AASDH: variants seen among roughly 807,000 people sequenced by gnomAD.
AASDH encodes aminoadipate-semialdehyde dehydrogenase.
AASDH carries 81 observed loss-of-function variants against 102.3 expected under a neutral mutation model. The observed-to-expected ratio is 0.79, with a 90% CI of 0.66 to 0.95. The LOEUF is 0.95. Among genes scored for constraint, AASDH ranks in the 40% least tolerant of loss-of-function variants. AASDH has a pLI of 0.00. For synonymous variants in AASDH, 398 were observed against 454.0 expected, an observed-to-expected ratio of 0.88 and a Z score of 1.57; for missense variants, 1,203 against 1,266.2, an observed-to-expected ratio of 0.95 and a Z score of 0.76.
chr4:56,382,307 T>C (rs958448446), intron 3 of AASDH, 170 bp downstream of exon 3: 3 of 620,444 alleles, frequency 4.8e-6, no homozygotes, highest in East Asian at 6.8e-5. Flanking sequence ...TCCTATAATA[T>C]ACGGAACACT....
Position 56,368,574 on chromosome 4 carries a change from A to G in AASDH, c.861+2877T>C, listed in dbSNP as rs1751305006. ...ATGAGTTCATGTCCTTTGTAGGGAC[A>G]TGGATGAAGCTGGAAACCATCATTC... is the stretch of plus-strand genomic sequence containing the variant. On this transcript the variant is annotated intron_variant, in intron 5 of 14. Transcript: ENST00000205214. Among the ~76,000 whole-genome samples, 4 of 152,016 alleles carry G rather than the reference A, an allele frequency of 2.6e-5. No homozygotes were observed. In the South Asian group the frequency reaches 8.3e-4, roughly 32 times the overall value.
rs1749236193 is a variant in AASDH, at chr4:56,353,504, T to A, written c.1476A>T (p.Ser492=). The A allele has an allele frequency of 5.6e-6, 9 of 1,613,812 alleles. No individual in the cohort carries two copies. The highest frequency in any genetic ancestry group is 7.6e-6 in the Non-Finnish European group (9 of 1,179,844). ...LILFMVSKDA[S]VKEYIFKELQ... ...GTTCTTTAAAGATGTATTCTTTTACTGAAGCATCTTTAGACACCATGAAGA... is the reference window on the plus strand; with the variant it reads ...GTTCTTTAAAGATGTATTCTTTTACAGAAGCATCTTTAGACACCATGAAGA... Residue 492 remains serine, a synonymous_variant, in exon 9 of 15, where the codon TCA becomes TCT. Coordinates refer to ENST00000205214, the MANE Select transcript of AASDH (RefSeq NM_181806.4).
In AASDH at chr4:56,342,972, A is replaced by T. The variant is rs1747884034; in HGVS notation, c.2776-6T>A. 1.9e-6 allele frequency: 3 copies of T among 1,568,958 alleles called. No individual in the cohort carries two copies. The African/African-American group carries it at 4.1e-5, about 21-fold the overall frequency. ...CAAATAACGTTCCCAGTAGCCTGTCACAGGAAAAAGCAATTCACAGCATTT... is the reference window on the plus strand; with the variant it reads ...CAAATAACGTTCCCAGTAGCCTGTCTCAGGAAAAAGCAATTCACAGCATTT... On this transcript the variant is annotated splice_region_variant and splice_polypyrimidine_tract_variant and intron_variant, in intron 13 of 14. Coordinates refer to ENST00000205214, the MANE Select transcript of AASDH (RefSeq NM_181806.4).
intron 4 of AASDH, among the ~76,000 whole-genome samples, chr4:56,374,441 C>G (rs1752127222): frequency 6.7e-6 from 1 of 150,306 alleles, no homozygotes; most frequent in Non-Finnish European, 1.5e-5. Context: ...CTTCCCTTAT[C>G]TGACTGAAAG....
At chr4:56,380,430 C>T (rs749129883) in intron 3 of AASDH, among the ~76,000 whole-genome samples, 30 of 152,110 alleles carry the variant, frequency 2.0e-4, no homozygotes, top group Admixed American at 5.9e-4. Flanking sequence ...CAGAAGCCTA[C>T]AGTGTTTTCT....
In AASDH at chr4:56,354,206, T is replaced by C. The variant is rs1749326196; in HGVS notation, c.1216A>G (p.Arg406Gly). 1.9e-6 allele frequency: 3 copies of C among 1,565,594 alleles called. No homozygotes were observed. Among genetic ancestry groups the C allele is most frequent in the Non-Finnish European group, 2.6e-6 (3 of 1,154,696 alleles). The stretch of plus-strand genomic sequence containing the variant: ...TCATCAAGAAAACACACTCTGTTTC[T>C]GCCACCTTCCCAAGATATAAACACC... ...EGSGQVFLGGRNRVCFLDDEV... is the reference protein window; with the variant it reads ...EGSGQVFLGGGNRVCFLDDEV... The change falls in exon 8 of 15, where the codon AGA becomes GGA. Residue 406 changes from arginine (R) to glycine (G), a missense_variant. By Grantham distance (125) the Arg-to-Gly change is moderately radical. Coordinates refer to ENST00000205214, the MANE Select transcript of AASDH (RefSeq NM_181806.4).
At chr4:56,353,292 A>G in intron 9 of AASDH, 112 bp downstream of exon 9, 7 of 880,696 alleles carry the variant, frequency 7.9e-6, no homozygotes, top group Non-Finnish European at 1.1e-5. Context: ...GGTCTATCAC[A>G]ATAAATGCTA....
chr4:56,356,905 AAAG>A (rs1749708858), intron 5 of AASDH: 79 of 927,806 alleles, frequency 8.5e-5, no homozygotes, highest in South Asian at 7.7e-4. Flanking sequence ...GGCAAACGCT[AAAG>A]AACCTGCCAC....
intron 5 of AASDH, among the ~76,000 whole-genome samples, chr4:56,358,006 T>G (rs1749818218): frequency 6.6e-6 from 1 of 152,168 alleles, no homozygotes; most frequent in Non-Finnish European, 1.5e-5. Flanking sequence ...GGTCTCTAAT[T>G]TCTATCAACA....
rs1214598621 is a variant in AASDH, at chr4:56,354,038, C to A, written c.1383+1G>T. ...GATATTCAATATTTAAATAGTTCTA[C>A]CTGTTGCACAAGTTCAATGTTAAGA... is the stretch of plus-strand genomic sequence containing the variant. On this transcript the variant is annotated splice_donor_variant, in intron 8 of 14. Coordinates refer to ENST00000205214, the MANE Select transcript of AASDH (RefSeq NM_181806.4). LOFTEE classifies it high-confidence loss of function. 6.2e-7 allele frequency: 1 copy of A among 1,606,808 alleles called. No homozygotes were observed.
At chr4:56,339,670 G>C (rs1747407770) in intron 14 of AASDH, among the ~76,000 whole-genome samples, 1 of 148,956 alleles carries the variant, frequency 6.7e-6, no homozygotes. Context: ...AGAACCACTT[G>C]AACCTGGGAG....
intron 3 of AASDH, 94 bp downstream of exon 3, chr4:56,382,383 A>G (rs1753072684): frequency 7.9e-7 from 1 of 1,257,968 alleles, no homozygotes; most frequent in Non-Finnish European, 1.1e-6. Context: ...TGCCACATTT[A>G]GCAGACTTAG....
chr4:56,354,159 G>A lies in AASDH; in HGVS notation c.1263C>T (p.Gly421=). The A allele has an allele frequency of 6.2e-7, 1 of 1,610,636 alleles. No individual in the cohort carries two copies. The highest frequency in any genetic ancestry group is 1.1e-5 in the South Asian group (1 of 90,492). The change falls in exon 8 of 15, where the codon GGC becomes GGT. Residue 421 remains glycine, a synonymous_variant. Transcript: ENST00000205214. ...CAAAGTCTCCTGTAGCTCGCATTGT[G>A]CCAAGTGGTACTGTCACTTCATCAT... ...FLDDEVTVPL[G]TMRATGDFVT...
rs773988946 is a variant in AASDH at position 56,378,202 on chromosome 4, G to T, written c.614C>A (p.Pro205Gln). The change falls in exon 4 of 15, where the codon CCG becomes CAG. Residue 205 changes from proline (P) to glutamine (Q), a missense_variant. Pro to Gln is a moderately conservative substitution (Grantham distance 76). Coordinates refer to ENST00000205214, the MANE Select transcript of AASDH (RefSeq NM_181806.4). ...VLHTSGTTGI[P>Q]KIVRVPHKCI... ...CTTATGAGGCACTCTGACAATCTTCGGTATCCCTGTAGTCCCTGATGTATG... is the reference window on the plus strand; with the variant it reads ...CTTATGAGGCACTCTGACAATCTTCTGTATCCCTGTAGTCCCTGATGTATG... 1 of 1,613,378 alleles carries T rather than the reference G, an allele frequency of 6.2e-7. No homozygotes were observed. Among genetic ancestry groups the T allele is most frequent in the Non-Finnish European group, 8.5e-7 (1 of 1,179,790 alleles).
intron 5 of AASDH, among the ~76,000 whole-genome samples, chr4:56,362,351 A>G (rs1240054957): frequency 6.6e-6 from 1 of 151,930 alleles, no homozygotes; most frequent in East Asian, 1.9e-4. Flanking sequence ...TGCAACCTCC[A>G]CCTCCTGGAT....
intron 4 of AASDH, among the ~76,000 whole-genome samples, chr4:56,373,707 C>T (rs956260409): frequency 6.6e-6 from 1 of 152,124 alleles, no homozygotes; most frequent in Non-Finnish European, 1.5e-5. Flanking sequence ...TAGCTTCCTA[C>T]TTAGGTATTC....
chr4:56,379,353 A>G (rs976119254), intron 3 of AASDH, among the ~76,000 whole-genome samples: 2 of 151,990 alleles, frequency 1.3e-5, no homozygotes, highest in East Asian at 3.9e-4. Flanking sequence ...ATCTGGTCTC[A>G]AACTCCTGGC....
chr4:56,372,775 A>G (rs1324519212), intron 4 of AASDH, among the ~76,000 whole-genome samples: 3 of 152,252 alleles, frequency 2.0e-5, no homozygotes, highest in African/African-American at 7.2e-5. Context: ...CAGTTTAACA[A>G]CAGAAAAGCA....
chr4:56,371,323 C>T (rs1055503847), intron 5 of AASDH, 128 bp downstream of exon 5: 8 of 908,782 alleles, frequency 8.8e-6, no homozygotes, highest in Non-Finnish European at 1.3e-5. Flanking sequence ...CCTGAGGAGA[C>T]GGCCCTTGAT....
Sources: allele counts gnomAD v4.1 joint callset (sites outside exome capture counted in the v4.1 genomes callset), GRCh38; gene constraint gnomAD v4.1.1; transcripts MANE v1.5; gene names NCBI Gene and HGNC (gene_info 2026-07-23, HGNC 2026-07-21).